ATP9A: variants seen among roughly 807,000 people sequenced by gnomAD.
ATP9A encodes the protein probable phospholipid-transporting ATPase IIA.
In ATP9A, 52 loss-of-function variants were observed where a neutral mutation model predicts 144.1. The observed-to-expected ratio is 0.36, with a 90% CI of 0.29 to 0.45. The LOEUF (loss-of-function observed/expected upper bound fraction) is 0.45, where lower values mean the gene tolerates loss of function less well. ATP9A is among the 20% of genes least tolerant of loss of function. The pLI is 1.00. For synonymous variants in ATP9A, 582 were observed against 557.4 expected, an observed-to-expected ratio of 1.04 and a Z score of -0.62; for missense variants, 947 against 1,392.7, an observed-to-expected ratio of 0.68 and a Z score of 5.09.
chr20:51,758,622 A>C (rs2077866128), intron 1 of ATP9A, among the ~76,000 whole-genome samples: 3 of 152,174 alleles, frequency 2.0e-5, no homozygotes, highest in Admixed American at 2.0e-4. Context: ...CCAGCTGTAC[A>C]GTAGGTAGAA....
chr20:51,695,546 C>CA (rs2077567360), intron 6 of ATP9A, among the ~76,000 whole-genome samples: 1 of 151,044 alleles, frequency 6.6e-6, no homozygotes, highest in Non-Finnish European at 1.5e-5. Context: ...CCCTAGGGAA[C>CA]AACTGCAAGG....
Position 51,652,808 on chromosome 20 carries a change from A to T in ATP9A, c.1506+4130T>A, listed in dbSNP as rs1484197685. On this transcript the variant is annotated intron_variant, in intron 14 of 27. Coordinates refer to ENST00000338821, the MANE Select transcript of ATP9A (RefSeq NM_006045.3). ...TGCAATACAAAATAATAAAAGTTGT[A>T]AAAAAAAAACCACAGCAAGGCCAGT... is the stretch of plus-strand genomic sequence containing the variant. Among the ~76,000 whole-genome samples the T allele has an allele frequency of 3.4e-5, 5 of 147,460 alleles. No homozygotes were observed. The East Asian group carries it at 9.8e-4, about 29-fold the overall frequency.
intron 3 of ATP9A, among the ~76,000 whole-genome samples, chr20:51,721,604 C>T (rs1394439129): frequency 1.3e-5 from 2 of 151,984 alleles, no homozygotes; most frequent in East Asian, 3.9e-4. Context: ...TCGAGACCAT[C>T]CTGGCTAACA....
At chr20:51,650,080 G>A (rs1232905798) in intron 14 of ATP9A, among the ~76,000 whole-genome samples, 1 of 152,110 alleles carries the variant, frequency 6.6e-6, no homozygotes, top group Non-Finnish European at 1.5e-5. Context: ...GCCACTGGGA[G>A]GCTACAGGAA....
intron 15 of ATP9A, among the ~76,000 whole-genome samples, chr20:51,633,892 GAGGGAGGGAGGGAGGAAGAA>G (rs1216641740): frequency 4.7e-5 from 7 of 148,372 alleles, no homozygotes; most frequent in Non-Finnish European, 4.5e-5. Flanking sequence ...GGAAGGAAAA[GAGGGAGGGAGGGAGGAAGAA>G]AGGGAGGGAG....
At chr20:51,627,561 G>C in intron 17 of ATP9A, 39 bp downstream of exon 17, 1 of 1,567,032 alleles carries the variant, frequency 6.4e-7, no homozygotes, top group Admixed American at 1.7e-5. Context: ...GAGGCAGGTG[G>C]GGCTGCAAAG....
intron 3 of ATP9A, among the ~76,000 whole-genome samples, chr20:51,720,261 T>C (rs1041592315): frequency 6.6e-6 from 1 of 152,196 alleles, no homozygotes; most frequent in Admixed American, 6.5e-5. Context: ...AAAGGCAGTA[T>C]GATAAATGTT....
chr20:51,651,257 T>C (rs2077363885), intron 14 of ATP9A, among the ~76,000 whole-genome samples: 1 of 125,558 alleles, frequency 8.0e-6, no homozygotes, highest in Non-Finnish European at 1.7e-5. Context: ...ATTTACATAA[T>C]ATATTATATA....
rs571586166 is a variant in ATP9A at position 51,632,064 on chromosome 20, T to C, written c.1669-2992A>G. On this transcript the variant is annotated intron_variant, in intron 15 of 27. Transcript: ENST00000338821. ...AGAATTTTTCTTTTTTTTCTTATTC[T>C]TTTTTCTTTTTCTTTATTTTTTTGA... is the stretch of plus-strand genomic sequence containing the variant. 2.6e-5 allele frequency among the ~76,000 whole-genome samples: 4 copies of C among 152,340 alleles called. No homozygotes were observed. In the South Asian group the frequency reaches 6.2e-4, roughly 24 times the overall value.
chr20:51,633,822 GGAAAGA>G (rs1410025803), intron 15 of ATP9A, among the ~76,000 whole-genome samples: 2 of 149,886 alleles, frequency 1.3e-5, no homozygotes, highest in East Asian at 2.0e-4. Flanking sequence ...ACAGAAGAAG[GGAAAGA>G]GGGAGAGGGA....
chr20:51,672,174 T>A, intron 11 of ATP9A, among the ~76,000 whole-genome samples: 1 of 152,174 alleles, frequency 6.6e-6, no homozygotes, highest in East Asian at 1.9e-4. Flanking sequence ...GGCTTATTTT[T>A]CTGGCTTATT....
intron 14 of ATP9A, among the ~76,000 whole-genome samples, chr20:51,640,831 T>G (rs1197429652): frequency 3.9e-5 from 6 of 152,142 alleles, no homozygotes; most frequent in Admixed American, 3.9e-4. Flanking sequence ...CAGGTGGCAG[T>G]TACTGCCCTG....
intron 14 of ATP9A, 52 bp from the exon 15 acceptor site, chr20:51,639,556 C>T (rs1323102780): frequency 5.8e-6 from 9 of 1,561,462 alleles, no homozygotes; most frequent in Non-Finnish European, 6.9e-6. Context: ...AATCTGGGTT[C>T]ACAGGCTGTG....
In ATP9A at chr20:51,679,243, G is replaced by C. The variant is rs528787561; in HGVS notation, c.800-3035C>G. Among the ~76,000 whole-genome samples, 18 of 152,270 alleles carry C rather than the reference G, an allele frequency of 1.2e-4. No homozygotes were observed. In the South Asian group the frequency reaches 3.5e-3, roughly 30 times the overall value. ...GGAGACTGAGGCAGGAGAACTGCTT[G>C]AACCTGGGAGGCGGAGGTTGCAGTG... On this transcript the variant is annotated intron_variant, in intron 9 of 27. Transcript: ENST00000338821.
intron 13 of ATP9A, among the ~76,000 whole-genome samples, chr20:51,667,031 T>C (rs2426370): frequency 0.91 from 138,072 of 152,174 alleles, 62,812 homozygotes; most frequent in African/African-American, 0.97. Context: ...GAATTGTGAG[T>C]TCACCCCAGC....
chr20:51,745,265 TAA>T (rs56011562), intron 1 of ATP9A, among the ~76,000 whole-genome samples: 54 of 106,438 alleles, frequency 5.1e-4, no homozygotes, highest in Admixed American at 5.1e-4. Flanking sequence ...AGACTCCGTC[TAA>T]AAAAAAAAAA....
At chr20:51,723,888 G>A (rs1402988896) in intron 3 of ATP9A, among the ~76,000 whole-genome samples, 1 of 151,996 alleles carries the variant, frequency 6.6e-6, no homozygotes, top group Non-Finnish European at 1.5e-5. Flanking sequence ...AATAAAAATA[G>A]AGCCAGGTGC....
intron 15 of ATP9A, among the ~76,000 whole-genome samples, chr20:51,633,032 G>A (rs1230354504): frequency 1.3e-5 from 2 of 152,152 alleles, no homozygotes; most frequent in African/African-American, 2.4e-5. Flanking sequence ...GCTGAGGCAG[G>A]AGAATCACTT....
At chr20:51,733,025 A>G (rs904178174) in intron 1 of ATP9A, among the ~76,000 whole-genome samples, 1 of 152,074 alleles carries the variant, frequency 6.6e-6, no homozygotes, top group Non-Finnish European at 1.5e-5. Context: ...AAATGAATTT[A>G]AGAGAATCAC....
Sources: allele counts gnomAD v4.1 joint callset (sites outside exome capture counted in the v4.1 genomes callset), GRCh38; gene constraint gnomAD v4.1.1; transcripts MANE v1.5; gene names NCBI Gene and HGNC (gene_info 2026-07-23, HGNC 2026-07-21).